The following AP3S1 variants were observed in gnomAD, a reference collection of about 807,000 sequenced individuals.
AP3S1 encodes the protein AP-3 complex subunit sigma-1.
AP3S1 carries 12 observed loss-of-function variants against 21.3 expected under a neutral mutation model. The observed-to-expected ratio is 0.56, with a 90% CI of 0.36 to 0.91. The LOEUF (loss-of-function observed/expected upper bound fraction) is 0.91. Among genes scored for constraint, AP3S1 ranks in the 40% least tolerant of loss-of-function variants. The pLI is 0.01. For missense variants in AP3S1, 116 were observed against 225.0 expected (o/e 0.52, Z 3.10); for synonymous variants, 48 against 78.4 (o/e 0.61, Z 2.05).
Position 115,892,297 on chromosome 5 carries a change from C to T in AP3S1, c.274-2790C>T, listed in dbSNP as rs531652990. Among the ~76,000 whole-genome samples, 8 of 152,262 alleles carry T rather than the reference C, an allele frequency of 5.3e-5. No homozygotes were observed. The East Asian group carries it at 9.7e-4, about 18-fold the overall frequency. ...AATAGAGCTACCATAGGATCCAGCT[C>T]ACTGCTGGGTATATATTCAAAAGAA... On this transcript the variant is annotated intron_variant, in intron 3 of 5. Transcript: ENST00000316788.
intron 2 of AP3S1, among the ~76,000 whole-genome samples, chr5:115,867,878 A>G (rs576319354): frequency 6.6e-6 from 1 of 152,290 alleles, no homozygotes; most frequent in African/African-American, 2.4e-5. Context: ...TTTGAATTAG[A>G]AATTGTGGCT....
intron 3 of AP3S1, among the ~76,000 whole-genome samples, chr5:115,891,933 A>G (rs1418229053): frequency 6.6e-6 from 1 of 152,168 alleles, no homozygotes; most frequent in East Asian, 1.9e-4. Context: ...TTGGAGCTTT[A>G]AGATTTGACT....
chr5:115,891,839 G>C (rs1054681364), intron 3 of AP3S1, among the ~76,000 whole-genome samples: 1 of 152,206 alleles, frequency 6.6e-6, no homozygotes, highest in Admixed American at 6.5e-5. Flanking sequence ...AAAGCCACAG[G>C]GTTGGAGCTG....
intron 3 of AP3S1, among the ~76,000 whole-genome samples, chr5:115,874,891 A>G (rs145923865): frequency 4.8e-4 from 73 of 152,216 alleles, no homozygotes; most frequent in African/African-American, 1.7e-3. Flanking sequence ...GCTCTGCCAT[A>G]TACTATGTAA....
intron 3 of AP3S1, among the ~76,000 whole-genome samples, chr5:115,889,030 G>A (rs1300353442): frequency 6.6e-6 from 1 of 152,146 alleles, no homozygotes; most frequent in African/African-American, 2.4e-5. Flanking sequence ...TTCAAAGCAT[G>A]TATCCTCAAC....
chr5:115,902,707 T>C (rs535815360), intron 4 of AP3S1, among the ~76,000 whole-genome samples, 178 bp from the exon 5 acceptor site: 26 of 152,338 alleles, frequency 1.7e-4, no homozygotes, highest in African/African-American at 6.0e-4. Context: ...AAGGAGGTTA[T>C]ATAACTGCCT....
intron 3 of AP3S1, among the ~76,000 whole-genome samples, chr5:115,888,313 T>C (rs1481217454): frequency 6.6e-6 from 1 of 152,150 alleles, no homozygotes; most frequent in African/African-American, 2.4e-5. Context: ...GTTGTTATGG[T>C]TAGAACCATC....
At chr5:115,842,132 G>T (rs761131366) in intron 1 of AP3S1, 26 bp downstream of exon 1, 1 of 1,515,008 alleles carries the variant, frequency 6.6e-7, no homozygotes, top group Non-Finnish European at 8.8e-7. Context: ...CCGCTGATCC[G>T]GGCGAGGGGG....
intron 5 of AP3S1, among the ~76,000 whole-genome samples, chr5:115,905,547 A>G (rs550485089): frequency 6.6e-6 from 1 of 152,340 alleles, no homozygotes; most frequent in Admixed American, 6.5e-5. Context: ...CTAATATTTT[A>G]GTTATGAAAT....
At chr5:115,904,609 G>A (rs1364830450) in intron 5 of AP3S1, among the ~76,000 whole-genome samples, 1 of 152,022 alleles carries the variant, frequency 6.6e-6, no homozygotes, top group Non-Finnish European at 1.5e-5. Context: ...TAAAATATTG[G>A]CTTTTGAAAG....
At chr5:115,856,642 C>CGTT (rs1554065259) in intron 1 of AP3S1, among the ~76,000 whole-genome samples, 1 of 151,310 alleles carries the variant, frequency 6.6e-6, no homozygotes, top group Non-Finnish European at 1.5e-5. Flanking sequence ...GTTTTTAAAA[C>CGTT]GTTGTTGTTG....
At chr5:115,890,613 TTTCTA>T (rs1750211521) in intron 3 of AP3S1, among the ~76,000 whole-genome samples, 1 of 152,222 alleles carries the variant, frequency 6.6e-6, no homozygotes, top group Admixed American at 6.5e-5. Context: ...TTTTTGTACT[TTTCTA>T]TGTGTATGTT....
At chr5:115,850,912 G>T (rs1414242017) in intron 1 of AP3S1, among the ~76,000 whole-genome samples, 1 of 152,154 alleles carries the variant, frequency 6.6e-6, no homozygotes, top group Non-Finnish European at 1.5e-5. Context: ...AGGGGACATG[G>T]AGTGGGCTGA....
At chr5:115,904,454 C>G (rs1751476497) in intron 5 of AP3S1, among the ~76,000 whole-genome samples, 1 of 152,158 alleles carries the variant, frequency 6.6e-6, no homozygotes, top group African/African-American at 2.4e-5. Flanking sequence ...CCAGTGTTCT[C>G]TTTTAAATTT....
intron 4 of AP3S1, among the ~76,000 whole-genome samples, chr5:115,898,447 C>A (rs562817224): frequency 2.0e-5 from 3 of 152,310 alleles, no homozygotes; most frequent in African/African-American, 4.8e-5. Context: ...CCCCTACTCA[C>A]AATTGGTTTG....
intron 1 of AP3S1, among the ~76,000 whole-genome samples, chr5:115,863,550 A>C (rs1763362018): frequency 6.6e-6 from 1 of 152,142 alleles, no homozygotes. Flanking sequence ...CAGCCTGGGC[A>C]ACAGAGGGAG....
intron 1 of AP3S1, among the ~76,000 whole-genome samples, chr5:115,858,932 T>A (rs1348831046): frequency 3.3e-5 from 5 of 151,314 alleles, no homozygotes; most frequent in Non-Finnish European, 7.4e-5. Flanking sequence ...TTAAAAAAAT[T>A]TATTTATTTT....
intron 4 of AP3S1, among the ~76,000 whole-genome samples, chr5:115,895,742 A>G (rs891602249): frequency 6.6e-6 from 1 of 152,150 alleles, no homozygotes; most frequent in African/African-American, 2.4e-5. Flanking sequence ...GATTGGATTG[A>G]TAGGCTGGGA....
At chr5:115,892,717 A>G (rs1467354138) in intron 3 of AP3S1, among the ~76,000 whole-genome samples, 3 of 152,204 alleles carry the variant, frequency 2.0e-5, no homozygotes, top group Non-Finnish European at 4.4e-5. Flanking sequence ...AATGGATAAA[A>G]AAAATAGAAT....
Sources: allele counts gnomAD v4.1 joint callset (sites outside exome capture counted in the v4.1 genomes callset), GRCh38; gene constraint gnomAD v4.1.1; transcripts MANE v1.5; gene names NCBI Gene and HGNC (gene_info 2026-07-23, HGNC 2026-07-21).